ZNF385D: variants seen among roughly 807,000 people sequenced by gnomAD.
ZNF385D encodes zinc finger protein 659.
In ZNF385D, 15 loss-of-function variants were observed where a neutral mutation model predicts 35.8. That is an observed-to-expected ratio of 0.42 (90% CI 0.28 to 0.64). ZNF385D has a LOEUF of 0.64. Among genes scored for constraint, ZNF385D ranks in the 30% least tolerant of loss-of-function variants. The pLI is 0.23. For synonymous variants in ZNF385D, 212 were observed against 186.8 expected, an observed-to-expected ratio of 1.13 and a Z score of -1.10; for missense variants, 474 against 494.6, an observed-to-expected ratio of 0.96 and a Z score of 0.39.
intron 3 of ZNF385D, among the ~76,000 whole-genome samples, chr3:21,916,613 T>G (rs1218403628): frequency 6.6e-6 from 1 of 152,220 alleles, no homozygotes; most frequent in African/African-American, 2.4e-5. Flanking sequence ...ATAAGCGAAG[T>G]GCTTTGTAAC....
intron 2 of ZNF385D, among the ~76,000 whole-genome samples, chr3:22,244,454 G>T (rs963555373): frequency 2.2e-5 from 3 of 136,204 alleles, no homozygotes; most frequent in Non-Finnish European, 1.6e-5. Flanking sequence ...ATCAATACAA[G>T]AAATACAATT....
chr3:21,739,940 C>G (rs1205581088), intron 1 of ZNF385D, among the ~76,000 whole-genome samples: 2 of 152,156 alleles, frequency 1.3e-5, no homozygotes, highest in Non-Finnish European at 2.9e-5. Context: ...TCCTGCTTCA[C>G]AGATTAAGAA....
intron 3 of ZNF385D, among the ~76,000 whole-genome samples, chr3:22,127,357 T>A (rs1281480150): frequency 1.3e-5 from 1 of 75,162 alleles, no homozygotes; most frequent in Admixed American, 2.1e-4. Context: ...TTTTTTTTTT[T>A]GAGACAGAGT....
rs1700983875 is a variant in ZNF385D, at chr3:21,425,626, T to A, written c.718A>T (p.Thr240Ser). ...CCTGCCCTAGGAAAGGCTTTGATAG[T>A]GCCACTTCCATTCCGGGCTTCTAAC... ...TMLEARNGSG[T>S]IKAFPRAGVK... is the part of the protein sequence containing the mutation. Residue 240 changes from threonine (T) to serine (S), a missense_variant, in exon 6 of 8, where the codon ACT (threonine) becomes TCT (serine). Coordinates refer to ENST00000281523, the MANE Select transcript of ZNF385D (RefSeq NM_024697.3). 1 of 1,600,226 alleles carries A rather than the reference T, an allele frequency of 6.2e-7. No homozygotes were observed. Among genetic ancestry groups the A allele is most frequent in the African/African-American group, 1.3e-5 (1 of 74,314 alleles).
chr3:21,468,390 A>G (rs1246319291), intron 4 of ZNF385D, among the ~76,000 whole-genome samples: 10 of 138,538 alleles, frequency 7.2e-5, no homozygotes, highest in African/African-American at 1.9e-4. Flanking sequence ...CAACAGAGCA[A>G]GACACTGTCT....
intron 3 of ZNF385D, among the ~76,000 whole-genome samples, chr3:22,147,087 G>A (rs964674363): frequency 6.6e-6 from 1 of 152,174 alleles, no homozygotes; most frequent in Non-Finnish European, 1.5e-5. Context: ...TATTACTCTT[G>A]ACATTCTACA....
chr3:21,659,713 G>C (rs1038276852), intron 2 of ZNF385D, among the ~76,000 whole-genome samples: 4 of 152,194 alleles, frequency 2.6e-5, no homozygotes, highest in African/African-American at 9.6e-5. Flanking sequence ...TAGTTTGCTA[G>C]TTTCACTACT....
chr3:22,344,196 G>GTGTGTGTA (rs1695551503), intron 2 of ZNF385D, among the ~76,000 whole-genome samples: 1 of 151,806 alleles, frequency 6.6e-6, no homozygotes, highest in African/African-American at 2.4e-5. Flanking sequence ...GTGTGTGTGT[G>GTGTGTGTA]TGTGTGTGTG....
At chr3:21,722,168 G>T (rs1443813227) in intron 1 of ZNF385D, among the ~76,000 whole-genome samples, 3 of 151,652 alleles carry the variant, frequency 2.0e-5, no homozygotes, top group Admixed American at 2.0e-4. Context: ...AAGTCCCAAA[G>T]GGGACAAGTA....
chr3:21,660,354 C>T (rs1024520149), intron 2 of ZNF385D, among the ~76,000 whole-genome samples: 1 of 152,108 alleles, frequency 6.6e-6, no homozygotes, highest in Non-Finnish European at 1.5e-5. Context: ...TTGTGCATAT[C>T]CTAGAAGGCA....
At position 22,137,433 on chromosome 3, in the gene ZNF385D, G is replaced by A. The variant is rs893768942; in HGVS notation, c.325+31384C>T. On this transcript the variant is annotated intron_variant, in intron 3 of 5. Coordinates refer to the ZNF385D transcript ENST00000494108. Reference sequence around the variant, plus strand: ...TGCAAAAATCCTCAATAAAATACTGGCAAATCGAATCCAACAGCACATCAA... The same window carrying A: ...TGCAAAAATCCTCAATAAAATACTGACAAATCGAATCCAACAGCACATCAA... 5.3e-5 allele frequency among the ~76,000 whole-genome samples: 8 copies of A among 152,232 alleles called. No homozygotes were observed. The East Asian group carries it at 1.5e-3, about 29-fold the overall frequency.
At chr3:22,362,168 G>A (rs529838748) in intron 2 of ZNF385D, among the ~76,000 whole-genome samples, 214 of 151,626 alleles carry the variant, frequency 1.4e-3, no homozygotes, top group African/African-American at 4.6e-3. Context: ...TCTTTTTCCT[G>A]GCTTTTTTTG....
intron 3 of ZNF385D, among the ~76,000 whole-genome samples, chr3:21,882,384 G>C (rs923670707): frequency 6.7e-6 from 1 of 149,936 alleles, no homozygotes; most frequent in African/African-American, 2.5e-5. Flanking sequence ...ATGATTGTAA[G>C]CATTTTTTAG....
intron 2 of ZNF385D, among the ~76,000 whole-genome samples, chr3:22,253,565 C>T (rs188533213): frequency 5.3e-5 from 8 of 151,968 alleles, no homozygotes; most frequent in Non-Finnish European, 8.8e-5. Flanking sequence ...AGACATGTCA[C>T]GTTCTCATGA....
At chr3:21,663,459 A>G (rs1022984956) in intron 2 of ZNF385D, among the ~76,000 whole-genome samples, 2 of 152,052 alleles carry the variant, frequency 1.3e-5, no homozygotes, top group East Asian at 3.9e-4. Context: ...AAGCACCTTG[A>G]TGGGTAATTC....
At chr3:22,063,059 G>C (rs551609377) in intron 3 of ZNF385D, among the ~76,000 whole-genome samples, 3 of 152,144 alleles carry the variant, frequency 2.0e-5, no homozygotes, top group African/African-American at 7.2e-5. Flanking sequence ...CATTAATCTG[G>C]GGGTAATTTG....
intron 2 of ZNF385D, among the ~76,000 whole-genome samples, chr3:22,299,068 G>A (rs1702758218): frequency 6.6e-6 from 1 of 151,838 alleles, no homozygotes; most frequent in Admixed American, 6.6e-5. Context: ...CTTGTGTCAG[G>A]AGAATGCCAA....
chr3:21,757,390 A>G (rs2335438), intron 3 of ZNF385D, among the ~76,000 whole-genome samples: 122,356 of 152,004 alleles, frequency 0.8, 49,802 homozygotes, highest in East Asian at 0.98. Context: ...TGATCTGACC[A>G]CCTTGGCCTC....
At chr3:21,673,783 A>G (rs183980348) in intron 1 of ZNF385D, among the ~76,000 whole-genome samples, 32 of 152,274 alleles carry the variant, frequency 2.1e-4, no homozygotes, top group Non-Finnish European at 3.8e-4. Context: ...TAAAGGAGCC[A>G]GTCATAGGGC....
Sources: gnomAD v4.1 joint callset for allele counts (sites outside exome capture counted in the v4.1 genomes callset) on GRCh38, gnomAD v4.1.1 for gene constraint, MANE v1.5 for transcripts, NCBI Gene and HGNC (gene_info 2026-07-23, HGNC 2026-07-21) for gene names.